Variants in DIAPH2 observed in about 807,000 individuals in gnomAD.
DIAPH2 encodes the protein protein diaphanous homolog 2.
In DIAPH2, 35 loss-of-function variants were observed where a neutral mutation model predicts 92.7. The ratio of observed to expected loss-of-function variants is 0.38; its 90% CI spans 0.29 to 0.50. DIAPH2 has a LOEUF of 0.50. Among genes scored for constraint, DIAPH2 ranks in the 20% least tolerant of loss-of-function variants. The pLI is 0.94. For missense variants in DIAPH2, 701 were observed against 819.5 expected (o/e 0.86, Z 1.77); for synonymous variants, 301 against 280.4 (o/e 1.07, Z -0.73).
intron 20 of DIAPH2, among the ~76,000 whole-genome samples, chrX:97,104,097 C>G (rs1329996279): frequency 1.8e-5 from 2 of 111,552 alleles, no homozygotes; most frequent in Non-Finnish European, 3.8e-5. Context: ...AGAAATCATC[C>G]TGGATTTTAA....
At chrX:96,757,762 A>G (rs1179167092) in intron 3 of DIAPH2, among the ~76,000 whole-genome samples, 1 of 112,138 alleles carries the variant, frequency 8.9e-6, no homozygotes, top group Non-Finnish European at 1.9e-5. Context: ...TTCCCAGGTA[A>G]TAATGATCCT....
rs781293676 is a variant in DIAPH2, at chrX:96,940,673, T to TA, written c.1325+1297dup. 7.7e-4 allele frequency among the ~76,000 whole-genome samples: 86 copies of TA among 112,055 alleles called. 1 individual carries two copies. Among genetic ancestry groups the TA allele is most frequent in the African/African-American group, 2.6e-3 (80 of 30,936 alleles). ...TGGGCATCGTGACATTACAGAGAGA[T>TA]AAAAAATGTTTAAAATATTAAATTG... On this transcript the variant is annotated intron_variant, in intron 12 of 26. Coordinates refer to ENST00000324765, the MANE Select transcript of DIAPH2 (RefSeq NM_006729.5).
In DIAPH2 at chrX:97,144,351, A is replaced by G. The variant is rs780661560; in HGVS notation, c.2719+2557A>G. On this transcript the variant is annotated intron_variant, in intron 22 of 26. Transcript: ENST00000324765. ...AAAAAAAATTAAAGAAAGAAATAAT[A>G]CGTCCTAATGTTTGATAGCAGAATA... Among the ~76,000 whole-genome samples the G allele has an allele frequency of 1.1e-4, 12 of 111,197 alleles. No individual in the cohort carries two copies. The East Asian group carries it at 3.4e-3, about 31-fold the overall frequency.
intron 25 of DIAPH2, among the ~76,000 whole-genome samples, chrX:97,406,632 G>A (rs2069812711): frequency 8.9e-6 from 1 of 111,766 alleles, no homozygotes; most frequent in South Asian, 3.7e-4. Flanking sequence ...TTTAAAGGAT[G>A]GGGATAAATT....
chrX:97,182,007 T>C (rs2067544290), intron 22 of DIAPH2, among the ~76,000 whole-genome samples: 1 of 111,804 alleles, frequency 8.9e-6, no homozygotes, highest in Non-Finnish European at 1.9e-5. Context: ...TTGCTGTAAT[T>C]TGTCAGTATC....
At chrX:96,819,149 T>C (rs889683387) in intron 4 of DIAPH2, among the ~76,000 whole-genome samples, 2 of 112,318 alleles carry the variant, frequency 1.8e-5, no homozygotes, top group African/African-American at 6.5e-5. Flanking sequence ...TGCCCAAGGG[T>C]TGGGGACCCT....
Position 96,685,239 on chromosome X carries a change from G to A in DIAPH2, c.132+49G>A, listed in dbSNP as rs781565682. ...CGGCCTTAGGGACAGGGAGAGCCCC[G>A]GGATCCTCCTGCCATTGAACACGGG... On this transcript the variant is annotated intron_variant, in intron 1 of 26. Transcript: ENST00000324765. 6.2e-6 allele frequency: 6 copies of A among 973,644 alleles called. No individual in the cohort carries two copies. The Admixed American group carries it at 2.8e-4, about 45-fold the overall frequency. The allele number at this position is 973,644 out of a possible 1,213,427, so 80.2% of individuals were successfully genotyped here.
chrX:96,977,602 T>A (rs1296261698), intron 17 of DIAPH2, among the ~76,000 whole-genome samples: 1 of 112,156 alleles, frequency 8.9e-6, no homozygotes, highest in East Asian at 2.8e-4. Flanking sequence ...TTAAGCACAA[T>A]AACAAGTGTT....
intron 26 of DIAPH2, among the ~76,000 whole-genome samples, chrX:97,507,581 A>G (rs186732655): frequency 6.3e-5 from 7 of 111,770 alleles, no homozygotes; most frequent in Non-Finnish European, 1.3e-4. Flanking sequence ...TGAAATGGTG[A>G]TTCTTTCATA....
intron 4 of DIAPH2, among the ~76,000 whole-genome samples, chrX:96,836,151 G>T (rs778516346): frequency 9.2e-6 from 1 of 108,673 alleles, no homozygotes; most frequent in East Asian, 2.9e-4. Flanking sequence ...GGTGGTGTTT[G>T]GTTACATGTG....
chrX:96,852,268 T>C (rs761961323), intron 4 of DIAPH2, among the ~76,000 whole-genome samples: 1 of 111,869 alleles, frequency 8.9e-6, no homozygotes, highest in East Asian at 2.8e-4. Context: ...TAGGAAATGG[T>C]TCCTGTGTTT....
chrX:96,756,791 C>CT (rs1056633800), intron 3 of DIAPH2, among the ~76,000 whole-genome samples: 2 of 110,185 alleles, frequency 1.8e-5, no homozygotes, highest in Non-Finnish European at 3.8e-5. Context: ...TTATTTTCCT[C>CT]TTTTTTTCTA....
intron 4 of DIAPH2, among the ~76,000 whole-genome samples, chrX:96,860,228 C>T (rs1254462802): frequency 8.9e-6 from 1 of 111,772 alleles, no homozygotes; most frequent in Non-Finnish European, 1.9e-5. Context: ...ATAAAACACT[C>T]AGAAAAATAC....
At chrX:96,838,759 C>G (rs1367124365) in intron 4 of DIAPH2, among the ~76,000 whole-genome samples, 1 of 111,922 alleles carries the variant, frequency 8.9e-6, no homozygotes, top group Non-Finnish European at 1.9e-5. Context: ...GAAGCTCTAA[C>G]CATTTTTACC....
rs73250718 is a variant in DIAPH2 at position 96,711,720 on chromosome X, A to C, written c.133-24038A>C. The stretch of plus-strand genomic sequence containing the variant: ...ATCAAATGGGTAAACTATTAGAGAT[A>C]GTATATGAGGTAAAGACAACTTTTT... On this transcript the variant is annotated intron_variant, in intron 1 of 26. Transcript: ENST00000324765. Among the ~76,000 whole-genome samples the C allele has an allele frequency of 4.7e-3, 527 of 111,368 alleles. 1 individual carries two copies. Among genetic ancestry groups the C allele is most frequent in the Middle Eastern group, 0.023 (5 of 215 alleles).
intron 3 of DIAPH2, among the ~76,000 whole-genome samples, chrX:96,741,967 A>G (rs1050961583): frequency 3.6e-5 from 4 of 111,735 alleles, no homozygotes; most frequent in African/African-American, 1.3e-4. Context: ...TCAAATTTAC[A>G]TTCAACTTAG....
intron 23 of DIAPH2, among the ~76,000 whole-genome samples, chrX:97,282,694 AT>A (rs1404426218): frequency 1.8e-5 from 2 of 111,443 alleles, no homozygotes; most frequent in African/African-American, 6.5e-5. Context: ...CTTTCCATTT[AT>A]TTGCCTCTTG....
At chrX:97,137,773 A>G (rs181341565) in intron 21 of DIAPH2, among the ~76,000 whole-genome samples, 1 of 111,708 alleles carries the variant, frequency 9.0e-6, no homozygotes, top group Admixed American at 9.6e-5. Flanking sequence ...GGGTCAGCTC[A>G]AGGGAGTGTC....
chrX:97,396,833 A>C (rs977923244), intron 25 of DIAPH2, among the ~76,000 whole-genome samples: 7 of 111,523 alleles, frequency 6.3e-5, no homozygotes, highest in Non-Finnish European at 1.3e-4. Context: ...GGGGTTATTA[A>C]CTATCAGCCT....
Sources: allele counts gnomAD v4.1 joint callset (sites outside exome capture counted in the v4.1 genomes callset), GRCh38; gene constraint gnomAD v4.1.1; transcripts MANE v1.5; gene names NCBI Gene and HGNC (gene_info 2026-07-23, HGNC 2026-07-21).